SPIN1: variants seen among roughly 807,000 people sequenced by gnomAD.
The protein encoded by SPIN1 is spindlin-1.
SPIN1 carries 3 observed loss-of-function variants against 26.0 expected under a neutral mutation model. The observed-to-expected ratio is 0.12, with a 90% CI of 0.05 to 0.30. The LOEUF (loss-of-function observed/expected upper bound fraction) is 0.30, where lower values mean the gene tolerates loss of function less well. Ranked by LOEUF, SPIN1 falls within the 10% of genes least tolerant of loss-of-function variation. The pLI is 1.00. For missense variants in SPIN1, 126 were observed against 333.4 expected (o/e 0.38, Z 4.84); for synonymous variants, 101 against 116.5 (o/e 0.87, Z 0.86).
chr9:88,388,939 G>C (rs1826852981), intron 1 of SPIN1, among the ~76,000 whole-genome samples: 1 of 151,186 alleles, frequency 6.6e-6, no homozygotes. Context: ...GGCGCGGGGA[G>C]GGGGCGCTGC....
At chr9:88,404,618 A>G (rs1357313690) in intron 1 of SPIN1, among the ~76,000 whole-genome samples, 1 of 152,054 alleles carries the variant, frequency 6.6e-6, no homozygotes, top group Non-Finnish European at 1.5e-5. Flanking sequence ...ACTTTTTGTT[A>G]AAAACTAAGA....
chr9:88,459,423 G>GT (rs1409117020), intron 3 of SPIN1, among the ~76,000 whole-genome samples: 1 of 152,088 alleles, frequency 6.6e-6, no homozygotes, highest in Non-Finnish European at 1.5e-5. Flanking sequence ...GAGTAGTAAA[G>GT]TTACAGACTT....
intron 1 of SPIN1, among the ~76,000 whole-genome samples, chr9:88,390,069 A>T (rs1006154086): frequency 1.3e-5 from 2 of 152,190 alleles, no homozygotes; most frequent in Admixed American, 1.3e-4. Context: ...TAGATCCTAG[A>T]TTCTTAGGAA....
At chr9:88,413,130 G>A (rs1455178844) in intron 1 of SPIN1, among the ~76,000 whole-genome samples, 2 of 147,758 alleles carry the variant, frequency 1.4e-5, no homozygotes, top group African/African-American at 5.1e-5. Context: ...GCAGTAGTGC[G>A]ATCTTGGCTC....
In SPIN1 at chr9:88,462,542, C is replaced by T. The variant is rs1341368087; in HGVS notation, c.148C>T (p.Arg50Trp). ...VGPSKPVSQP[R>W]RNIVGCRIQH... is the part of the protein sequence containing the mutation. ...TCCGAGCAAACCTGTTTCCCAGCCC[C>T]GGCGGAACATCGTAGGCTGCAGGAT... is the stretch of plus-strand genomic sequence containing the variant. Residue 50 changes from arginine (R) to tryptophan (W), a missense_variant, in exon 4 of 6, where the codon CGG (arginine) becomes TGG (tryptophan). Arg to Trp is a moderately radical substitution (Grantham distance 101). Coordinates refer to ENST00000375859, the MANE Select transcript of SPIN1 (RefSeq NM_006717.3). The T allele has an allele frequency of 3.1e-6, 5 of 1,614,066 alleles. No homozygotes were observed. Among genetic ancestry groups the T allele is most frequent in the Non-Finnish European group, 1.7e-6 (2 of 1,179,990 alleles).
intron 5 of SPIN1, among the ~76,000 whole-genome samples, chr9:88,471,192 G>A (rs927676604): frequency 2.0e-5 from 3 of 151,908 alleles, no homozygotes; most frequent in Non-Finnish European, 2.9e-5. Context: ...ATTTACCCTC[G>A]TTTTCTTATA....
At chr9:88,413,020 G>A (rs967332632) in intron 1 of SPIN1, among the ~76,000 whole-genome samples, 2 of 151,008 alleles carry the variant, frequency 1.3e-5, no homozygotes, top group East Asian at 3.9e-4. Context: ...AATATTGTTG[G>A]TATATAGATA....
At chr9:88,473,877 C>G (rs1828841030) in intron 5 of SPIN1, among the ~76,000 whole-genome samples, 1 of 152,044 alleles carries the variant, frequency 6.6e-6, no homozygotes, top group Admixed American at 6.5e-5. Flanking sequence ...GATGATACTG[C>G]TTAAGGGAAG....
chr9:88,415,910 A>ATTTTTTTTT (rs34382784), intron 1 of SPIN1, among the ~76,000 whole-genome samples: 4 of 131,710 alleles, frequency 3.0e-5, no homozygotes, highest in Non-Finnish European at 3.2e-5. Flanking sequence ...TGCTCGGCTA[A>ATTTTTTTTT]TTTTTTTTTT....
At position 88,418,968 on chromosome 9, in the gene SPIN1, T is replaced by G. The variant is rs199640447; in HGVS notation, c.-158-7414T>G. The G allele has an allele frequency of 1.4e-4, 21 of 152,294 alleles. No individual in the cohort carries two copies. In the East Asian group the frequency reaches 4.1e-3, roughly 29 times the overall value. The allele number at this position is 152,294 out of a possible 1,614,324, so 9.4% of individuals were successfully genotyped here. On this transcript the variant is annotated intron_variant, in intron 1 of 5. Coordinates refer to ENST00000375859, the MANE Select transcript of SPIN1 (RefSeq NM_006717.3). ...ATTTTTCTGGTAAGTAGTTGGAGAATTTTTTGATCTCCTTTGAGATTGCAA... is the reference window on the plus strand; with the variant it reads ...ATTTTTCTGGTAAGTAGTTGGAGAAGTTTTTGATCTCCTTTGAGATTGCAA...
intron 1 of SPIN1, chr9:88,410,798 C>G: frequency 2.0e-6 from 2 of 1,016,336 alleles, no homozygotes; most frequent in Non-Finnish European, 3.1e-6. Context: ...CCACCATGAC[C>G]ACTGAAGTTT....
chr9:88,429,643 T>C (rs934144819), intron 2 of SPIN1, among the ~76,000 whole-genome samples: 2 of 152,158 alleles, frequency 1.3e-5, no homozygotes, highest in Admixed American at 6.5e-5. Flanking sequence ...AACCTTCAGA[T>C]AGTGTTGCGC....
At chr9:88,412,324 G>C (rs573505875) in intron 1 of SPIN1, among the ~76,000 whole-genome samples, 104 of 152,230 alleles carry the variant, frequency 6.8e-4, no homozygotes, top group African/African-American at 2.4e-3. Context: ...AAGCAACTCT[G>C]GTTTCTGATA....
At chr9:88,466,125 A>T (rs1339263192) in intron 4 of SPIN1, among the ~76,000 whole-genome samples, 1 of 152,108 alleles carries the variant, frequency 6.6e-6, no homozygotes. Context: ...ATGTAAACAG[A>T]TGCTTTTTTA....
rs372030374 is a variant in SPIN1 at position 88,451,824 on chromosome 9, G to C, written c.101+2835G>C. ...GATCCACCTACCTCAGCCTCCCAAA[G>C]TGCTGGGATTATAGGCGTGAGCCAC... On this transcript the variant is annotated intron_variant, in intron 3 of 5. Coordinates refer to ENST00000375859, the MANE Select transcript of SPIN1 (RefSeq NM_006717.3). Among the ~76,000 whole-genome samples, 7 of 152,332 alleles carry C rather than the reference G, an allele frequency of 4.6e-5. No individual in the cohort carries two copies. In the East Asian group the frequency reaches 9.7e-4, roughly 21 times the overall value.
At chr9:88,421,615 C>A (rs1290255481) in intron 1 of SPIN1, among the ~76,000 whole-genome samples, 1 of 129,512 alleles carries the variant, frequency 7.7e-6, no homozygotes, top group African/African-American at 2.8e-5. Flanking sequence ...GCCCCCTCCC[C>A]CCGCCCCAAC....
At chr9:88,464,913 T>C (rs1015132748) in intron 4 of SPIN1, among the ~76,000 whole-genome samples, 12 of 152,132 alleles carry the variant, frequency 7.9e-5, no homozygotes, top group Non-Finnish European at 1.6e-4. Flanking sequence ...AACCTACCTT[T>C]CCTCCCATTC....
chr9:88,432,554 G>A (rs141083711), intron 2 of SPIN1, among the ~76,000 whole-genome samples: 8,178 of 151,206 alleles, frequency 0.054, 710 homozygotes, highest in African/African-American at 0.18. Flanking sequence ...GCGCGATCTC[G>A]GCTCACTGTA....
intron 1 of SPIN1, among the ~76,000 whole-genome samples, chr9:88,422,237 C>T (rs1198735473): frequency 6.6e-6 from 1 of 152,172 alleles, no homozygotes; most frequent in Non-Finnish European, 1.5e-5. Context: ...TAATAAAGCT[C>T]CATTTGACAA....
Sources: gnomAD v4.1 joint callset for allele counts (sites outside exome capture counted in the v4.1 genomes callset) on GRCh38, gnomAD v4.1.1 for gene constraint, MANE v1.5 for transcripts, NCBI Gene and HGNC (gene_info 2026-07-23, HGNC 2026-07-21) for gene names.